The following SPATA17 variants were observed in gnomAD, a reference collection of about 807,000 sequenced individuals.
SPATA17 encodes the protein spermatogenesis associated 17.
A neutral mutation model predicts 62.2 loss-of-function variants in SPATA17; 53 were observed. That is an observed-to-expected ratio of 0.85 (90% confidence interval 0.68 to 1.07). SPATA17 has a LOEUF of 1.07. Among genes scored for constraint, SPATA17 ranks in the 50% least tolerant of loss-of-function variants. SPATA17 has a pLI of 0.00. For synonymous variants in SPATA17, 146 were observed against 146.8 expected (o/e 0.99, Z 0.04); for missense variants, 466 against 425.5 (o/e 1.10, Z -0.84).
chr1:217,732,896 C>T (rs1320821179), intron 5 of SPATA17, among the ~76,000 whole-genome samples: 1 of 152,020 alleles, frequency 6.6e-6, no homozygotes, highest in Non-Finnish European at 1.5e-5. Context: ...CTTCCTTTTA[C>T]AGCAACTCTC....
intron 9 of SPATA17, among the ~76,000 whole-genome samples, chr1:217,860,345 G>A (rs558678294): frequency 5.3e-5 from 8 of 152,256 alleles, no homozygotes; most frequent in African/African-American, 1.9e-4. Context: ...TGAATGTTCA[G>A]TGTGAGCTCT....
chr1:217,747,847 C>T (rs1012785163), intron 6 of SPATA17, among the ~76,000 whole-genome samples: 3 of 152,084 alleles, frequency 2.0e-5, no homozygotes, highest in African/African-American at 7.2e-5. Context: ...ACTGAAAAAA[C>T]TATTTTAAGT....
intron 5 of SPATA17, among the ~76,000 whole-genome samples, chr1:217,700,569 T>C (rs866497535): frequency 2.0e-5 from 3 of 151,974 alleles, no homozygotes; most frequent in African/African-American, 7.2e-5. Context: ...ACCTGTCAGT[T>C]TATACATACA....
intron 1 of SPATA17, among the ~76,000 whole-genome samples, chr1:217,642,276 T>C (rs1335272969): frequency 2.0e-5 from 3 of 152,322 alleles, no homozygotes; most frequent in South Asian, 4.1e-4. Context: ...TTTGAAACTA[T>C]GTATGTATCC....
At chr1:217,826,510 A>G (rs1675005237) in intron 9 of SPATA17, among the ~76,000 whole-genome samples, 1 of 152,086 alleles carries the variant, frequency 6.6e-6, no homozygotes, top group Non-Finnish European at 1.5e-5. Context: ...GAAACTCAAG[A>G]TAATTTTGTT....
At chr1:217,731,826 A>C (rs1571765024) in intron 5 of SPATA17, among the ~76,000 whole-genome samples, 1 of 152,190 alleles carries the variant, frequency 6.6e-6, no homozygotes, top group Non-Finnish European at 1.5e-5. Context: ...TTTTAGATAT[A>C]ATATTAGCAT....
intron 6 of SPATA17, among the ~76,000 whole-genome samples, 169 bp downstream of exon 6, chr1:217,742,267 G>C (rs1415305733): frequency 6.6e-6 from 1 of 152,142 alleles, no homozygotes; most frequent in African/African-American, 2.4e-5. Flanking sequence ...ACCATGACTC[G>C]TCTGTGACAG....
intron 4 of SPATA17, among the ~76,000 whole-genome samples, chr1:217,670,256 A>T (rs1386475884): frequency 6.6e-6 from 1 of 152,158 alleles, no homozygotes; most frequent in Admixed American, 6.5e-5. Context: ...AAAGTCATAG[A>T]TGACTGAGAA....
intron 5 of SPATA17, chr1:217,739,476 T>A (rs1291784544): frequency 6.8e-6 from 1 of 146,360 alleles, no homozygotes; most frequent in Non-Finnish European, 1.5e-5. Flanking sequence ...ATCACAGGAT[T>A]TTTTTTTGAG....
chr1:217,636,624 A>G (rs1005904261), intron 1 of SPATA17, among the ~76,000 whole-genome samples: 2 of 152,056 alleles, frequency 1.3e-5, no homozygotes, highest in African/African-American at 4.8e-5. Flanking sequence ...AGTTTTCGCT[A>G]TGTTGGTCAG....
intron 9 of SPATA17, among the ~76,000 whole-genome samples, chr1:217,843,751 A>G (rs1048610443): frequency 6.6e-6 from 1 of 152,188 alleles, no homozygotes; most frequent in Admixed American, 6.5e-5. Context: ...CTACGTTCCA[A>G]TAAAACTTTA....
chr1:217,635,104 T>C (rs956435624), intron 1 of SPATA17, among the ~76,000 whole-genome samples: 1 of 152,224 alleles, frequency 6.6e-6, no homozygotes, highest in Non-Finnish European at 1.5e-5. Context: ...CTTATTTAAA[T>C]TTCATCAAAT....
chr1:217,862,684 T>C, intron 9 of SPATA17, 90 bp from the exon 10 acceptor site: 1 of 935,568 alleles, frequency 1.1e-6, no homozygotes, highest in South Asian at 1.7e-5. Context: ...AAGACATCTG[T>C]CTAGCAATTT....
At chr1:217,684,182 G>T (rs1392778843) in intron 5 of SPATA17, among the ~76,000 whole-genome samples, 1 of 152,086 alleles carries the variant, frequency 6.6e-6, no homozygotes, top group African/African-American at 2.4e-5. Context: ...CAAAGTAAAG[G>T]CATCGTAATA....
intron 3 of SPATA17, among the ~76,000 whole-genome samples, chr1:217,658,530 G>A (rs768548450): frequency 7.2e-5 from 11 of 152,064 alleles, no homozygotes; most frequent in Non-Finnish European, 1.3e-4. Flanking sequence ...AGGTCAAGGC[G>A]GGCAGATCAC....
chr1:217,762,439 T>C (rs937541888), intron 6 of SPATA17, among the ~76,000 whole-genome samples: 2 of 152,180 alleles, frequency 1.3e-5, no homozygotes, highest in African/African-American at 4.8e-5. Context: ...ACATTCCTCT[T>C]AATTAATCCA....
chr1:217,851,197 G>A (rs1331550228), intron 9 of SPATA17, among the ~76,000 whole-genome samples: 3 of 152,010 alleles, frequency 2.0e-5, no homozygotes, highest in African/African-American at 7.2e-5. Context: ...GTTTTCCTGA[G>A]AGAAATTAAC....
At chr1:217,762,434 C>A (rs552599558) in intron 6 of SPATA17, among the ~76,000 whole-genome samples, 2 of 152,168 alleles carry the variant, frequency 1.3e-5, no homozygotes, top group Non-Finnish European at 2.9e-5. Flanking sequence ...CTCTTACATT[C>A]CTCTTAATTA....
In SPATA17 at chr1:217,750,902, G is replaced by T. The variant is rs555654949; in HGVS notation, c.519+8804G>T. On this transcript the variant is annotated intron_variant, in intron 6 of 10. Transcript: ENST00000366933. ...CACACAACTAGTTTGAATACATTCT[G>T]TAAAGCTGGGGCATCCTCAGTAAAC... is the stretch of plus-strand genomic sequence containing the variant. Among the ~76,000 whole-genome samples, 3 of 152,278 alleles carry T rather than the reference G, an allele frequency of 2.0e-5. No homozygotes were observed. In the East Asian group the frequency reaches 5.8e-4, roughly 29 times the overall value.
Sources: gnomAD v4.1 joint callset for allele counts (sites outside exome capture counted in the v4.1 genomes callset) on GRCh38, gnomAD v4.1.1 for gene constraint, MANE v1.5 for transcripts, NCBI Gene and HGNC (gene_info 2026-07-23, HGNC 2026-07-21) for gene names.